Variants in SEMA3D observed in about 807,000 individuals in gnomAD.
The protein encoded by SEMA3D is semaphorin 3D.
A neutral mutation model predicts 100.1 loss-of-function variants in SEMA3D; 84 were observed. The ratio of observed to expected loss-of-function variants is 0.84; its 90% CI spans 0.70 to 1.01. The LOEUF is 1.01. Among genes scored for constraint, SEMA3D ranks in the 50% least tolerant of loss-of-function variants. The pLI is 0.00. For missense variants in SEMA3D, 875 were observed against 934.1 expected (o/e 0.94, Z 0.82); for synonymous variants, 312 against 320.7 (o/e 0.97, Z 0.29).
intron 11 of SEMA3D, among the ~76,000 whole-genome samples, chr7:85,040,103 AG>A (rs1201775805): frequency 2.0e-5 from 3 of 148,654 alleles, no homozygotes; most frequent in Non-Finnish European, 3.0e-5. Flanking sequence ...CAGCCTTCTG[AG>A]TAGCTGGGAC....
At chr7:85,116,359 A>AATATATTTAT (rs1208077300) in intron 3 of SEMA3D, among the ~76,000 whole-genome samples, 2 of 146,262 alleles carry the variant, frequency 1.4e-5, no homozygotes, top group Non-Finnish European at 3.0e-5. Context: ...TATATATTAT[A>AATATATTTAT]ATATATTTAT....
intron 2 of SEMA3D, among the ~76,000 whole-genome samples, chr7:85,130,188 A>G (rs1789685727): frequency 6.6e-6 from 1 of 152,144 alleles, no homozygotes; most frequent in Non-Finnish European, 1.5e-5. Context: ...AAGTCTTCAT[A>G]TCGGATTTGA....
chr7:85,057,924 C>G (rs1039479216), intron 8 of SEMA3D, among the ~76,000 whole-genome samples: 3 of 152,142 alleles, frequency 2.0e-5, no homozygotes, highest in African/African-American at 2.4e-5. Flanking sequence ...GAGACAGACT[C>G]CGTCTCAAAA....
the SEMA3D span, among the ~76,000 whole-genome samples, chr7:85,229,674 G>A: frequency 4.9e-3 from 739 of 152,066 alleles, 8 homozygotes; most frequent in African/African-American, 0.017. Context: ...ATGAAACACT[G>A]GAAATGATTA....
chr7:85,219,493 CTT>C, the SEMA3D span, among the ~76,000 whole-genome samples: 1 of 151,832 alleles, frequency 6.6e-6, no homozygotes, highest in Non-Finnish European at 1.5e-5. Context: ...TATGGTTACT[CTT>C]TATCATATGG....
At chr7:85,123,299 G>A (rs1246011489) in intron 2 of SEMA3D, among the ~76,000 whole-genome samples, 1 of 151,990 alleles carries the variant, frequency 6.6e-6, no homozygotes, top group African/African-American at 2.4e-5. Flanking sequence ...TAGGAAATAG[G>A]CCACAGGACC....
chr7:85,169,257 T>C (rs1791019195), intron 1 of SEMA3D, among the ~76,000 whole-genome samples: 1 of 151,826 alleles, frequency 6.6e-6, no homozygotes, highest in Non-Finnish European at 1.5e-5. Flanking sequence ...ACACTAGTTC[T>C]GTTAAACAAG....
At chr7:85,200,085 T>C in the SEMA3D span, among the ~76,000 whole-genome samples, 2 of 152,218 alleles carry the variant, frequency 1.3e-5, no homozygotes, top group African/African-American at 2.4e-5. Context: ...CTGTTTCTTT[T>C]GTAAATTGCT....
Position 85,003,646 on chromosome 7 carries a change from TATAA to T in SEMA3D, c.1908+3152_1908+3155del, listed in dbSNP as rs1330878605. 2.0e-5 allele frequency among the ~76,000 whole-genome samples: 3 copies of T among 152,070 alleles called. No individual in the cohort carries two copies. The East Asian group carries it at 5.8e-4, about 29-fold the overall frequency. ...CATTAAATTATTAATATCTGTAATA[TATAA>T]ATGACATTACAATTATTATTAAATA... On this transcript the variant is annotated intron_variant, in intron 18 of 18. Transcript: ENST00000284136.
intron 3 of SEMA3D, among the ~76,000 whole-genome samples, chr7:85,119,164 G>T (rs944711382): frequency 2.0e-5 from 3 of 152,178 alleles, no homozygotes; most frequent in African/African-American, 4.8e-5. Context: ...TACACTGTTT[G>T]TGGGAGTGTA....
the SEMA3D span, among the ~76,000 whole-genome samples, chr7:85,230,524 A>C: frequency 6.6e-6 from 1 of 152,162 alleles, no homozygotes; most frequent in African/African-American, 2.4e-5. Flanking sequence ...CATAACCTAC[A>C]TTGTAGAGCT....
the SEMA3D span, among the ~76,000 whole-genome samples, chr7:85,232,465 T>C: frequency 6.6e-6 from 1 of 152,220 alleles, no homozygotes; most frequent in African/African-American, 2.4e-5. Flanking sequence ...GGTGGCAGTG[T>C]AGAAAGAAAA....
intron 6 of SEMA3D, among the ~76,000 whole-genome samples, chr7:85,069,083 A>G (rs888996617): frequency 6.6e-6 from 1 of 152,152 alleles, no homozygotes. Flanking sequence ...TCCAGCAGAA[A>G]GGATGATGAC....
the SEMA3D span, among the ~76,000 whole-genome samples, chr7:85,248,213 T>G: frequency 6.6e-6 from 1 of 152,092 alleles, no homozygotes; most frequent in African/African-American, 2.4e-5. Flanking sequence ...GCAAATAAGC[T>G]TGTGAAAAGA....
At position 84,998,799 on chromosome 7, in the gene SEMA3D, G is replaced by C. The variant is rs1298735786; in HGVS notation, c.*641C>G. On this transcript the variant is annotated 3_prime_UTR_variant, in exon 19 of 19. Coordinates refer to ENST00000284136, the MANE Select transcript of SEMA3D (RefSeq NM_001384900.1). ...TCTGTGAACCTGTTACTCCTGACTA[G>C]TCAATAGAAATCCTGGGGGAAACAT... is the stretch of plus-strand genomic sequence containing the variant. 2.6e-5 allele frequency: 4 copies of C among 152,620 alleles called. No individual in the cohort carries two copies. Among genetic ancestry groups the C allele is most frequent in the African/African-American group, 9.6e-5 (4 of 41,532 alleles). 9.5% of individuals were successfully genotyped at this position (152,620 alleles called of 1,614,324 possible).
chr7:85,124,096 A>G (rs911635604), intron 2 of SEMA3D, among the ~76,000 whole-genome samples: 2 of 152,074 alleles, frequency 1.3e-5, no homozygotes, highest in Non-Finnish European at 2.9e-5. Context: ...AACTGCCAGT[A>G]GGAACACATT....
At chr7:85,158,838 A>G (rs62462197) in intron 1 of SEMA3D, among the ~76,000 whole-genome samples, 27,878 of 152,150 alleles carry the variant, frequency 0.18, 2,763 homozygotes, top group Non-Finnish European at 0.23. Flanking sequence ...TAGGGAAAAT[A>G]GAAAAGAACA....
At chr7:85,161,057 A>G (rs1253983725) in intron 1 of SEMA3D, among the ~76,000 whole-genome samples, 1 of 152,164 alleles carries the variant, frequency 6.6e-6, no homozygotes, top group Non-Finnish European at 1.5e-5. Context: ...ACTTGACCAC[A>G]CAGAGGGTGA....
chr7:85,124,111 C>T (rs1420530537), intron 2 of SEMA3D, among the ~76,000 whole-genome samples: 1 of 151,884 alleles, frequency 6.6e-6, no homozygotes, highest in Admixed American at 6.6e-5. Context: ...CACATTAATG[C>T]CATTGCCACA....
Sources: gnomAD v4.1 joint callset for allele counts (sites outside exome capture counted in the v4.1 genomes callset) on GRCh38, gnomAD v4.1.1 for gene constraint, MANE v1.5 for transcripts, NCBI Gene and HGNC (gene_info 2026-07-23, HGNC 2026-07-21) for gene names.